The following ZNF346 variants were observed in gnomAD, a reference collection of about 807,000 sequenced individuals.
ZNF346 encodes double-stranded RNA-binding zinc finger protein JAZ.
A neutral mutation model predicts 33.7 loss-of-function variants in ZNF346; 23 were observed. The observed-to-expected ratio is 0.68, with a 90% CI of 0.49 to 0.97. The LOEUF (loss-of-function observed/expected upper bound fraction) is 0.97. ZNF346 is among the 50% of genes least tolerant of loss of function. ZNF346 has a pLI of 0.00. For synonymous variants in ZNF346, 134 were observed against 142.4 expected (o/e 0.94, Z 0.42); for missense variants, 340 against 371.1 (o/e 0.92, Z 0.69).
At chr5:177,023,188 C>T in intron 1 of ZNF346, 1 of 1,536,604 alleles carries the variant, frequency 6.5e-7, no homozygotes. Flanking sequence ...CGAGGACTGT[C>T]ATCCCTATAC....
In ZNF346 at chr5:177,041,147, A is replaced by G; in HGVS notation, c.197A>G (p.Asn66Ser). ...ATAGTGGAGCACATGATCCAGAAGA[A>G]CCAATGTCTCTTCACCAACACCCAG... ...REEVEHMIQK[N>S]QCLFTNTQCK... The change falls in exon 2 of 7, where the codon AAC (asparagine) becomes AGC (serine). Residue 66 changes from asparagine to serine, a missense_variant. Transcript: ENST00000358149. The G allele has an allele frequency of 6.2e-7, 1 of 1,613,920 alleles. No individual in the cohort carries two copies. The highest frequency in any genetic ancestry group is 8.5e-7 in the Non-Finnish European group (1 of 1,179,810).
intron 5 of ZNF346, among the ~76,000 whole-genome samples, chr5:177,061,054 G>C (rs1012704384): frequency 1.3e-5 from 2 of 152,118 alleles, no homozygotes; most frequent in Admixed American, 1.3e-4. Context: ...GGAGCTTGCC[G>C]TGAGCCAAGA....
At chr5:177,068,181 T>G (rs111321281), downstream of ZNF346, among the ~76,000 whole-genome samples, 21 of 143,018 alleles carry the variant, frequency 1.5e-4, 5 homozygotes, top group African/African-American at 5.7e-4. Context: ...GAGCAGCCAC[T>G]CAGGGCAGGG....
At chr5:177,074,957 T>C (rs918514993) in intron 8 of ZNF346, among the ~76,000 whole-genome samples, 3 of 151,608 alleles carry the variant, frequency 2.0e-5, no homozygotes, top group African/African-American at 4.9e-5. Context: ...TCCCAGCTAC[T>C]CGGGAGGCTG....
Position 177,022,782 on chromosome 5 carries a change from G to T in ZNF346, c.44G>T (p.Gly15Val), listed in dbSNP as rs1417249423. ...APATVQAADG[G>V]AAGPYSSSEL... is the part of the protein sequence containing the mutation. ...GCCACGGTGCAGGCCGCGGACGGCG[G>T]AGCGGCCGGGCCTTACAGCAGCTCG... The change falls in exon 1 of 7, where the codon GGA (glycine) becomes GTA (valine). Residue 15 changes from glycine to valine, a missense_variant. Transcript: ENST00000358149. 3 of 1,549,914 alleles carry T rather than the reference G, an allele frequency of 1.9e-6. No homozygotes were observed. Among genetic ancestry groups the T allele is most frequent in the Admixed American group, 2.0e-5 (1 of 51,014 alleles).
intron 5 of ZNF346, among the ~76,000 whole-genome samples, chr5:177,057,465 G>A (rs6859195): frequency 0.13 from 19,601 of 151,810 alleles, 2,946 homozygotes; most frequent in African/African-American, 0.37. Flanking sequence ...AGCCGGGCGT[G>A]GTGGCTCACA....
chr5:177,036,385 TTAAC>T (rs1238951967), intron 1 of ZNF346, among the ~76,000 whole-genome samples: 1 of 152,230 alleles, frequency 6.6e-6, no homozygotes, highest in Non-Finnish European at 1.5e-5. Context: ...AGTGGTCAGA[TTAAC>T]TAGGGATTCA....
At chr5:177,052,292 T>A (rs1259410390) in intron 5 of ZNF346, 1 of 151,952 alleles carries the variant, frequency 6.6e-6, no homozygotes, top group Non-Finnish European at 1.5e-5. Context: ...CTCAGCCTCC[T>A]GAGTAGCTGG....
rs538428254 is a variant in ZNF346, at chr5:177,022,749, C to G, written c.11C>G (p.Pro4Arg). ...GGGTTTGCGGGGAAGATGGAGTATC[C>G]CGCGCCGGCCACGGTGCAGGCCGCG... The part of the protein sequence containing the change: MEY[P>R]APATVQAADG... The change falls in exon 1 of 7, where the codon CCC (proline) becomes CGC (arginine). Residue 4 changes from proline (P) to arginine (R), a missense_variant. Physicochemically the swap from Pro to Arg is moderately radical, Grantham distance 103. Transcript: ENST00000358149. 11 of 1,554,590 alleles carry G rather than the reference C, an allele frequency of 7.1e-6. 2 individuals carry two copies. The highest frequency in any genetic ancestry group is 1.7e-4 in the Middle Eastern group (1 of 5,846).
rs191964486 is a variant in ZNF346 at position 177,058,426 on chromosome 5, A to G, written c.704-3632A>G. 7.9e-3 allele frequency among the ~76,000 whole-genome samples: 1,194 copies of G among 151,972 alleles called. 57 individuals carry two copies. The highest frequency in any genetic ancestry group is 0.072 in the Admixed American group (1,103 of 15,238). On this transcript the variant is annotated intron_variant, in intron 5 of 6. Transcript: ENST00000358149. ...GCGGAGGTTGCAGTGAGCCGAGATCACGCCATTGCACTCCAGCCTGGGCAA... is the reference window on the plus strand; with the variant it reads ...GCGGAGGTTGCAGTGAGCCGAGATCGCGCCATTGCACTCCAGCCTGGGCAA...
chr5:177,044,468 C>A lies in ZNF346; in HGVS notation c.452C>A (p.Ser151Ter). Residue 151 changes from serine (S) to a stop codon, truncating the protein, a stop_gained, in exon 4 of 7, where the codon TCG becomes TAG. Transcript: ENST00000358149. LOFTEE classifies it high-confidence loss of function. ...MTFSSPVVAQ[S>*]HYLGKTHAKN... ...TTTTCCTCCCCTGTCGTGGCCCAGT[C>A]GCACTACCTGGGGAAGACCCACGCA... 1.2e-6 allele frequency: 2 copies of A among 1,614,030 alleles called. No individual in the cohort carries two copies. Among genetic ancestry groups the A allele is most frequent in the Non-Finnish European group, 8.5e-7 (1 of 1,180,000 alleles).
intron 5 of ZNF346, among the ~76,000 whole-genome samples, chr5:177,053,980 A>G (rs1781325522): frequency 6.6e-6 from 1 of 152,184 alleles, no homozygotes; most frequent in Admixed American, 6.5e-5. Context: ...GATGATTGAC[A>G]TCCTAAACAG....
chr5:177,023,757 C>A (rs1375889498), intron 1 of ZNF346, among the ~76,000 whole-genome samples: 1 of 152,162 alleles, frequency 6.6e-6, no homozygotes, highest in African/African-American at 2.4e-5. Context: ...ATCTGGGCTT[C>A]TCTGCTAACC....
At chr5:177,044,324 G>T in intron 3 of ZNF346, 65 bp from the exon 4 acceptor site, 1 of 1,596,438 alleles carries the variant, frequency 6.3e-7, no homozygotes, top group Non-Finnish European at 8.6e-7. Context: ...GGGCAGTGGG[G>T]AACCATTGAA....
intron 1 of ZNF346, among the ~76,000 whole-genome samples, chr5:177,035,315 C>T (rs1778323102): frequency 6.6e-6 from 1 of 152,190 alleles, no homozygotes; most frequent in Non-Finnish European, 1.5e-5. Flanking sequence ...CACGCCCTGC[C>T]TCTCCAGTGA....
At chr5:177,054,075 ATT>A (rs35038931) in intron 5 of ZNF346, among the ~76,000 whole-genome samples, 3,075 of 143,602 alleles carry the variant, frequency 0.021, 41 homozygotes, top group African/African-American at 0.041. Flanking sequence ...TACTTCTGGA[ATT>A]TTTTTTTTTT....
chr5:177,037,287 C>T (rs574625468), intron 1 of ZNF346, among the ~76,000 whole-genome samples: 4 of 152,126 alleles, frequency 2.6e-5, no homozygotes, highest in African/African-American at 7.2e-5. Context: ...TCTTCATCTA[C>T]GCTAGGCAAT....
chr5:177,077,785 G>A lies in ZNF346; in HGVS notation c.*3-1597G>A, dbSNP rs1783823105. ...CACGACATCAAGAAAAGTTTGAGGG[G>A]TCGTTACCAGAGAGAGGAAAAGGGT... On this transcript the variant is annotated intron_variant, in intron 8 of 8. Coordinates refer to the ZNF346 transcript ENST00000503039. The surrounding 1 kb of genome is among the most constrained non-coding windows in gnomAD (Gnocchi z 5.0). Among the ~76,000 whole-genome samples the A allele has an allele frequency of 6.6e-6, 1 of 152,180 alleles. No individual in the cohort carries two copies. The highest frequency in any genetic ancestry group is 2.4e-5 in the African/African-American group (1 of 41,428).
chr5:177,074,273 C>G (rs1783640614), intron 8 of ZNF346, among the ~76,000 whole-genome samples: 3 of 152,192 alleles, frequency 2.0e-5, no homozygotes, highest in Non-Finnish European at 4.4e-5. Context: ...TTTGAAAAAC[C>G]CCACCCTCAG....
Sources: allele counts gnomAD v4.1 joint callset (sites outside exome capture counted in the v4.1 genomes callset), GRCh38; gene constraint gnomAD v4.1.1; non-coding constraint Gnocchi (gnomAD v3.1); transcripts MANE v1.5; gene names NCBI Gene and HGNC (gene_info 2026-07-23, HGNC 2026-07-21).